HMCN1: variants seen among roughly 807,000 people sequenced by gnomAD.
HMCN1 encodes the protein hemicentin-1.
In HMCN1, 321 loss-of-function variants were observed where a neutral mutation model predicts 625.9. The ratio of observed to expected loss-of-function variants is 0.51; its 90% CI spans 0.47 to 0.56. The LOEUF (loss-of-function observed/expected upper bound fraction) is 0.56, where lower values mean the gene tolerates loss of function less well. HMCN1 is among the 20% of genes least tolerant of loss of function. The pLI, the probability that HMCN1 is intolerant of heterozygous loss-of-function variation, is 0.00. For missense variants in HMCN1, 6,588 were observed against 6,887.3 expected, an observed-to-expected ratio of 0.96 and a Z score of 1.54; for synonymous variants, 2,425 against 2,417.6, an observed-to-expected ratio of 1.00 and a Z score of -0.09.
chr1:185,791,158 T>C (rs372113934), intron 1 of HMCN1, among the ~76,000 whole-genome samples: 60 of 152,248 alleles, frequency 3.9e-4, no homozygotes, highest in African/African-American at 1.4e-3. Flanking sequence ...ACATTTCACA[T>C]TGAAATGCAC....
intron 36 of HMCN1, among the ~76,000 whole-genome samples, chr1:186,035,707 G>A (rs551798444): frequency 5.9e-5 from 9 of 151,786 alleles, no homozygotes; most frequent in African/African-American, 2.2e-4. Flanking sequence ...TATTTTCATT[G>A]TTGATTTATA....
At chr1:186,111,447 A>C (rs535764288) in intron 71 of HMCN1, among the ~76,000 whole-genome samples, 1 of 152,096 alleles carries the variant, frequency 6.6e-6, no homozygotes, top group Non-Finnish European at 1.5e-5. Context: ...ACAAGGGTTC[A>C]AGACCAGCCT....
intron 47 of HMCN1, 108 bp downstream of exon 47, chr1:186,062,072 C>A: frequency 1.5e-6 from 1 of 680,766 alleles, no homozygotes; most frequent in Non-Finnish European, 2.6e-6. Flanking sequence ...TTATTTAGAC[C>A]CTGGACTGTG....
At chr1:186,166,667 A>G in intron 99 of HMCN1, 141 bp from the exon 100 acceptor site, 1 of 1,131,050 alleles carries the variant, frequency 8.8e-7, no homozygotes, top group South Asian at 1.4e-5. Context: ...ACCTGATGTG[A>G]CTCAACCAAA....
intron 1 of HMCN1, among the ~76,000 whole-genome samples, chr1:185,797,397 T>G (rs974573864): frequency 5.9e-5 from 9 of 152,234 alleles, no homozygotes; most frequent in African/African-American, 2.2e-4. Flanking sequence ...CTCAAACCTC[T>G]AGGCTTAAGC....
At chr1:186,062,488 A>G in intron 47 of HMCN1, 26 bp from the exon 48 acceptor site, 1 of 1,383,678 alleles carries the variant, frequency 7.2e-7, no homozygotes, top group Non-Finnish European at 1.0e-6. Flanking sequence ...AAGAGCTGTT[A>G]TTTTGTTGTT....
chr1:186,090,748 T>G lies in HMCN1; in HGVS notation c.9728-10T>G. ...TCTTGTTAATGAAATTCCTAATTAT[T>G]TCTCCAAAGTTCCTCCAAGTGTTGC... On this transcript the variant is annotated splice_polypyrimidine_tract_variant and intron_variant, in intron 63 of 106. Coordinates refer to ENST00000271588, the MANE Select transcript of HMCN1 (RefSeq NM_031935.3). 1 of 1,611,986 alleles carries G rather than the reference T, an allele frequency of 6.2e-7. No homozygotes were observed. The highest frequency in any genetic ancestry group is 8.5e-7 in the Non-Finnish European group (1 of 1,178,588).
At chr1:185,830,329 TATG>T (rs1660781218) in intron 1 of HMCN1, among the ~76,000 whole-genome samples, 1 of 152,154 alleles carries the variant, frequency 6.6e-6, no homozygotes, top group Non-Finnish European at 1.5e-5. Context: ...GCCCGTGCCG[TATG>T]TCCTGAATGG....
chr1:186,154,047 T>A (rs1332428747), intron 97 of HMCN1, 60 bp downstream of exon 97: 26 of 1,395,636 alleles, frequency 1.9e-5, no homozygotes, highest in Non-Finnish European at 2.4e-5. Context: ...GTTAAAAAAA[T>A]TCAAAATAAG....
At chr1:185,930,744 GTTC>G (rs1489769244) in intron 10 of HMCN1, among the ~76,000 whole-genome samples, 1 of 152,036 alleles carries the variant, frequency 6.6e-6, no homozygotes, top group East Asian at 1.9e-4. Context: ...AGAAAGCAAT[GTTC>G]TTCTCTTTTA....
In HMCN1 at chr1:185,933,620, C is replaced by G. The variant is rs982976924; in HGVS notation, c.1624C>G (p.Leu542Val). 3.7e-6 allele frequency: 6 copies of G among 1,613,832 alleles called. No individual in the cohort carries two copies. The Admixed American group carries it at 1.0e-4, about 27-fold the overall frequency. The stretch of plus-strand genomic sequence containing the variant: ...TGGAGAGAGAGCAGTTTTAACATGT[C>G]TCATCATCAGTGCGGTGGATTACAA... ...TPGERAVLTC[L>V]IISAVDYNLT... Residue 542 changes from leucine (L) to valine (V), a missense_variant, in exon 11 of 107, where the codon CTC becomes GTC. Physicochemically the swap from Leu to Val is conservative, Grantham distance 32. Around this residue, in one of 3 missense-constraint regions of HMCN1, gnomAD observed 4,628 missense variants for 4,853.1 expected, o/e 0.95. Transcript: ENST00000271588.
intron 20 of HMCN1, 54 bp downstream of exon 20, chr1:185,987,598 G>A (rs1423221431): frequency 9.3e-6 from 11 of 1,182,662 alleles, no homozygotes; most frequent in Non-Finnish European, 1.3e-5. Context: ...AAGTTCACCT[G>A]CAAGTTATCC....
intron 11 of HMCN1, among the ~76,000 whole-genome samples, chr1:185,957,730 G>C (rs1356123795): frequency 6.6e-6 from 1 of 152,096 alleles, no homozygotes; most frequent in Non-Finnish European, 1.5e-5. Flanking sequence ...TGTCTTCTAT[G>C]GTATCAGGAA....
At chr1:186,165,466 G>A (rs1326188117) in intron 98 of HMCN1, among the ~76,000 whole-genome samples, 1 of 152,220 alleles carries the variant, frequency 6.6e-6, no homozygotes, top group Non-Finnish European at 1.5e-5. Flanking sequence ...GATGTGGAGT[G>A]AGCAGACAGA....
At chr1:185,766,548 C>CAA (rs1036845767) in intron 1 of HMCN1, among the ~76,000 whole-genome samples, 1 of 152,104 alleles carries the variant, frequency 6.6e-6, no homozygotes, top group Non-Finnish European at 1.5e-5. Context: ...GCCCCAAAAT[C>CAA]AAACCAAATG....
rs148163379 is a variant in HMCN1, at chr1:185,834,579, A to G, written c.269-11447A>G. Reference sequence around the variant, plus strand: ...AGCAAGAGAGGGTATGCAAGAATGCAAGACAGAAACTATGGTCTCTTTATA... The same window carrying G: ...AGCAAGAGAGGGTATGCAAGAATGCGAGACAGAAACTATGGTCTCTTTATA... On this transcript the variant is annotated intron_variant, in intron 1 of 106. Coordinates refer to ENST00000271588, the MANE Select transcript of HMCN1 (RefSeq NM_031935.3). Among the ~76,000 whole-genome samples the G allele has an allele frequency of 5.7e-3, 869 of 152,322 alleles. 3 individuals carry two copies. Among genetic ancestry groups the G allele is most frequent in the Non-Finnish European group, 7.4e-3 (501 of 68,024 alleles).
chr1:185,914,711 T>A (rs1324363283), intron 6 of HMCN1, among the ~76,000 whole-genome samples: 1 of 151,936 alleles, frequency 6.6e-6, no homozygotes, highest in African/African-American at 2.4e-5. Flanking sequence ...TTCATCAAAC[T>A]TTGTCAGATT....
At chr1:185,970,928 G>T (rs1650775445) in intron 15 of HMCN1, among the ~76,000 whole-genome samples, 1 of 152,008 alleles carries the variant, frequency 6.6e-6, no homozygotes, top group Non-Finnish European at 1.5e-5. Context: ...CCAAAGTGCT[G>T]GGATTACAGC....
At chr1:185,908,473 A>G (rs1666223281) in intron 4 of HMCN1, among the ~76,000 whole-genome samples, 1 of 152,002 alleles carries the variant, frequency 6.6e-6, no homozygotes, top group South Asian at 2.1e-4. Flanking sequence ...GAGGTGATCA[A>G]AGGTTATCAT....
Sources: gnomAD v4.1 joint callset for allele counts (sites outside exome capture counted in the v4.1 genomes callset) on GRCh38, gnomAD v4.1.1 for gene constraint, gnomAD v4.1.1 regional missense constraint, MANE v1.5 for transcripts, NCBI Gene and HGNC (gene_info 2026-07-23, HGNC 2026-07-21) for gene names.